Variants in HTR4 observed in about 807,000 individuals in gnomAD.
The protein encoded by HTR4 is 5-hydroxytryptamine receptor 4.
Under a neutral mutation model 36.8 loss-of-function variants are expected in HTR4, and 16 were observed. The ratio of observed to expected loss-of-function variants is 0.43; its 90% CI spans 0.29 to 0.66. HTR4 has a LOEUF of 0.66. HTR4 is among the 30% of genes least tolerant of loss of function. HTR4 has a pLI of 0.13. For missense variants in HTR4, 438 were observed against 490.9 expected (o/e 0.89, Z 1.02); for synonymous variants, 189 against 185.1 (o/e 1.02, Z -0.17).
chr5:148,471,313 G>A (rs1755562477), intron 5 of HTR4, among the ~76,000 whole-genome samples: 1 of 152,144 alleles, frequency 6.6e-6, no homozygotes, highest in Non-Finnish European at 1.5e-5. Context: ...CACATAGCAG[G>A]CATATAATAC....
At chr5:148,527,344 G>A (rs1379733920) in intron 4 of HTR4, among the ~76,000 whole-genome samples, 1 of 152,136 alleles carries the variant, frequency 6.6e-6, no homozygotes, top group Non-Finnish European at 1.5e-5. Flanking sequence ...AGAATGTATG[G>A]TTATATTGGT....
intron 4 of HTR4, among the ~76,000 whole-genome samples, chr5:148,529,938 G>C (rs1284598475): frequency 6.6e-6 from 1 of 152,134 alleles, no homozygotes; most frequent in Non-Finnish European, 1.5e-5. Flanking sequence ...TTTTACCCCT[G>C]CCTTAGAGAT....
intron 4 of HTR4, among the ~76,000 whole-genome samples, chr5:148,544,925 G>A (rs1235148593): frequency 6.6e-6 from 1 of 152,234 alleles, no homozygotes; most frequent in Non-Finnish European, 1.5e-5. Context: ...CAGCTCTAGA[G>A]AGAAGGACAT....
rs1755943410 is a variant in HTR4 at position 148,482,637 on chromosome 5, A to C, written c.*566T>G. On this transcript the variant is annotated 3_prime_UTR_variant, in exon 7 of 7. Transcript: ENST00000377888. Reference sequence around the variant, plus strand: ...ACCAAGAGGATGCACGTTTGGACCCAGACACAGGGAGAAAAGTGTGTTAGC... The same window carrying C: ...ACCAAGAGGATGCACGTTTGGACCCCGACACAGGGAGAAAAGTGTGTTAGC... 1 of 988,854 alleles carries C rather than the reference A, an allele frequency of 1.0e-6. No individual in the cohort carries two copies. Among genetic ancestry groups the C allele is most frequent in the Non-Finnish European group, 1.2e-6 (1 of 831,924 alleles). 61.3% of individuals were successfully genotyped at this position (988,854 alleles called of 1,614,324 possible). A position where few individuals can be genotyped will look rare whatever the true frequency, so the allele number is the denominator to read the frequency against.
chr5:148,581,602 C>T (rs1020178354), intron 2 of HTR4, among the ~76,000 whole-genome samples: 1 of 152,054 alleles, frequency 6.6e-6, no homozygotes, highest in Non-Finnish European at 1.5e-5. Context: ...CTGTCCTTCC[C>T]TTATTATGTA....
At chr5:148,555,638 G>A (rs1025082601) in intron 2 of HTR4, among the ~76,000 whole-genome samples, 5 of 152,172 alleles carry the variant, frequency 3.3e-5, no homozygotes, top group Non-Finnish European at 7.3e-5. Context: ...TCATCTGGCT[G>A]AAGAGCTGTC....
intron 2 of HTR4, among the ~76,000 whole-genome samples, chr5:148,579,821 C>T (rs1430411122): frequency 1.3e-5 from 2 of 152,060 alleles, no homozygotes; most frequent in African/African-American, 4.8e-5. Flanking sequence ...ATTTTTCCCA[C>T]ATATCAAATC....
chr5:148,592,513 G>A (rs988912036), intron 2 of HTR4, among the ~76,000 whole-genome samples: 1 of 152,068 alleles, frequency 6.6e-6, no homozygotes, highest in African/African-American at 2.4e-5. Context: ...AAAATTTGCT[G>A]TTGCTCTGCA....
chr5:148,469,848 G>A (rs1301023143), intron 5 of HTR4, among the ~76,000 whole-genome samples: 1 of 152,176 alleles, frequency 6.6e-6, no homozygotes, highest in Non-Finnish European at 1.5e-5. Context: ...TGTGGAAAGA[G>A]GACACATTGG....
chr5:148,592,634 C>A (rs2127259882), intron 2 of HTR4, among the ~76,000 whole-genome samples: 1 of 152,064 alleles, frequency 6.6e-6, no homozygotes, highest in African/African-American at 2.4e-5. Flanking sequence ...CTACTTAGGA[C>A]TCATTGTTAT....
chr5:148,476,724 C>T, downstream of HTR4: 1 of 1,613,176 alleles, frequency 6.2e-7, no homozygotes, highest in Non-Finnish European at 8.5e-7. Context: ...GAATTGGCCA[C>T]AGTCCTCAAG....
intron 2 of HTR4, among the ~76,000 whole-genome samples, chr5:148,600,327 T>A (rs1310639528): frequency 6.9e-6 from 1 of 145,346 alleles, no homozygotes; most frequent in African/African-American, 2.5e-5. Flanking sequence ...TTTTAATATA[T>A]GTATATTATT....
At position 148,523,290 on chromosome 5, in the gene HTR4, C is replaced by T. The variant is rs201964147; in HGVS notation, c.410G>A (p.Arg137His). ...GCAGCCTCCCAGCATTAATGCGATG[C>T]GCAGAGGGGTCATCTTGTTCCTATA... ...LVYRNKMTPL[R>H]IALMLGGCWV... Residue 137 changes from arginine (R) to histidine (H), a missense_variant, in exon 5 of 7, where the codon CGC becomes CAC. Coordinates refer to ENST00000377888, the MANE Select transcript of HTR4 (RefSeq NM_000870.7). 57 of 1,612,936 alleles carry T rather than the reference C, an allele frequency of 3.5e-5. No individual in the cohort carries two copies. The highest frequency in any genetic ancestry group is 6.6e-5 in the South Asian group (6 of 90,956).
intron 6 of HTR4, among the ~76,000 whole-genome samples, chr5:148,489,880 T>A (rs1756334884): frequency 6.6e-6 from 1 of 152,110 alleles, no homozygotes; most frequent in Admixed American, 6.6e-5. Flanking sequence ...CCAATCCAGC[T>A]GGCATTTGCA....
At chr5:148,474,236 C>G (rs778774668), downstream of HTR4, among the ~76,000 whole-genome samples, 11 of 152,050 alleles carry the variant, frequency 7.2e-5, no homozygotes, top group Non-Finnish European at 1.2e-4. Flanking sequence ...TTTCACAAAG[C>G]CTTAGTAGCT....
At chr5:148,590,878 G>C (rs1420735234) in intron 2 of HTR4, among the ~76,000 whole-genome samples, 3 of 151,688 alleles carry the variant, frequency 2.0e-5, no homozygotes, top group Non-Finnish European at 4.4e-5. Context: ...ATTTGCTTTT[G>C]GGGTCTTTGT....
intron 4 of HTR4, among the ~76,000 whole-genome samples, chr5:148,527,017 G>A (rs1002941587): frequency 6.6e-6 from 1 of 152,144 alleles, no homozygotes; most frequent in African/African-American, 2.4e-5. Context: ...AAAATAGCTA[G>A]AATAATAGAT....
At chr5:148,490,371 AG>A (rs1436028395) in intron 6 of HTR4, among the ~76,000 whole-genome samples, 1 of 152,026 alleles carries the variant, frequency 6.6e-6, no homozygotes, top group African/African-American at 2.4e-5. Flanking sequence ...GATTCAGTAA[AG>A]GAAAGCAGAA....
intron 5 of HTR4, among the ~76,000 whole-genome samples, chr5:148,469,431 G>A (rs17720357): frequency 1.3e-5 from 2 of 152,050 alleles, no homozygotes; most frequent in African/African-American, 2.4e-5. Flanking sequence ...ATAATAAAAC[G>A]GTTCTGATCT....
Sources: allele counts gnomAD v4.1 joint callset (sites outside exome capture counted in the v4.1 genomes callset), GRCh38; gene constraint gnomAD v4.1.1; transcripts MANE v1.5; gene names NCBI Gene and HGNC (gene_info 2026-07-23, HGNC 2026-07-21).